SCN1A: variants seen among roughly 807,000 people sequenced by gnomAD.
The protein encoded by SCN1A is sodium voltage-gated channel alpha subunit 1.
In SCN1A, 13 loss-of-function variants were observed where a neutral mutation model predicts 193.7. The ratio of observed to expected loss-of-function variants is 0.07; its 90% CI spans 0.04 to 0.11. The LOEUF (loss-of-function observed/expected upper bound fraction) is 0.11, where lower values mean the gene tolerates loss of function less well. SCN1A is among the 10% of genes least tolerant of loss of function. SCN1A has a pLI of 1.00. For missense variants in SCN1A, 1,432 were observed against 2,451.1 expected, an observed-to-expected ratio of 0.58 and a Z score of 8.78; for synonymous variants, 781 against 843.6, an observed-to-expected ratio of 0.93 and a Z score of 1.29.
At chr2:166,063,179 G>A (rs958161320) in intron 4 of SCN1A, among the ~76,000 whole-genome samples, 3 of 152,064 alleles carry the variant, frequency 2.0e-5, no homozygotes, top group Non-Finnish European at 4.4e-5. Flanking sequence ...AGAACTGTTT[G>A]AAATTAATAA....
chr2:166,028,900 T>G (rs1313140103), intron 19 of SCN1A, among the ~76,000 whole-genome samples: 1 of 152,064 alleles, frequency 6.6e-6, no homozygotes. Context: ...TAGAGTATAT[T>G]GAGAACACCA....
At chr2:166,110,938 T>C (rs1689228555) in intron 2 of SCN1A, among the ~76,000 whole-genome samples, 2 of 152,084 alleles carry the variant, frequency 1.3e-5, no homozygotes, top group Admixed American at 1.3e-4. Context: ...ATGTAAAACA[T>C]CCCTTTGCTC....
intron 1 of SCN1A, among the ~76,000 whole-genome samples, chr2:166,147,670 T>C (rs1465899123): frequency 6.6e-5 from 10 of 152,174 alleles, no homozygotes; most frequent in Admixed American, 5.9e-4. Context: ...AAAATGCCTA[T>C]TGACTTCAGT....
chr2:166,069,495 T>C (rs1311218456), intron 4 of SCN1A, among the ~76,000 whole-genome samples: 2 of 152,194 alleles, frequency 1.3e-5, no homozygotes, highest in East Asian at 3.9e-4. Flanking sequence ...TTGGAAAATA[T>C]ACTCTCAGCA....
At chr2:166,007,945 G>A (rs1175072046) in intron 23 of SCN1A, among the ~76,000 whole-genome samples, 1 of 151,118 alleles carries the variant, frequency 6.6e-6, no homozygotes, top group Non-Finnish European at 1.5e-5. Context: ...ATAAAAAATA[G>A]AATCAATTAT....
At position 166,007,359 on chromosome 2, in the gene SCN1A, T is replaced by C. The variant is rs1029107872; in HGVS notation, c.4002+2360A>G. The C allele has an allele frequency of 2.0e-5, 3 of 151,426 alleles. No homozygotes were observed. Among genetic ancestry groups the C allele is most frequent in the Admixed American group, 1.3e-4 (2 of 15,150 alleles). The allele number at this position is 151,426 out of a possible 1,614,324, so 9.4% of individuals were successfully genotyped here. A position where few individuals can be genotyped will look rare whatever the true frequency, so the allele number is the denominator to read the frequency against. ...ATCTGATATGACAGAACATTTGGTG[T>C]TACTTTTTGTTCATGATGCTCTCCG... On this transcript the variant is annotated intron_variant, in intron 23 of 28. Transcript: ENST00000674923.
chr2:166,127,019 C>T lies in SCN1A; in HGVS notation c.-228-9G>A, dbSNP rs535202704. On this transcript the variant is annotated splice_polypyrimidine_tract_variant and intron_variant, in intron 1 of 28. Transcript: ENST00000674923. ...ATAATTCTTATGCTGTTCTGAAAAG[C>T]AAGACGGTTCACACTAGGAACTGAG... 7.9e-5 allele frequency: 12 copies of T among 152,326 alleles called. No individual in the cohort carries two copies. The highest frequency in any genetic ancestry group is 2.9e-4 in the African/African-American group (12 of 41,572). The allele number at this position is 152,326 out of a possible 1,614,324, so 9.4% of individuals were successfully genotyped here.
intron 18 of SCN1A, among the ~76,000 whole-genome samples, chr2:166,037,161 A>G (rs986286351): frequency 1.3e-5 from 2 of 152,194 alleles, no homozygotes; most frequent in South Asian, 2.1e-4. Context: ...TCCAAATTTA[A>G]GAGAGATAAA....
intron 6 of SCN1A, among the ~76,000 whole-genome samples, chr2:166,055,203 T>TC (rs1699007077): frequency 6.6e-6 from 1 of 151,642 alleles, no homozygotes; most frequent in South Asian, 2.1e-4. Flanking sequence ...TTTTTTTTTT[T>TC]CTACAAGATA....
At chr2:166,138,852 T>TGG (rs1476051921) in intron 1 of SCN1A, among the ~76,000 whole-genome samples, 1 of 152,124 alleles carries the variant, frequency 6.6e-6, no homozygotes, top group African/African-American at 2.4e-5. Context: ...TGAAAGCAAC[T>TGG]AGGAGGGAGT....
In SCN1A at chr2:165,991,287, T is replaced by G. The variant is rs371243629; in HGVS notation, c.5988A>C (p.Lys1996Asn). The G allele has an allele frequency of 3.1e-5, 50 of 1,613,488 alleles. No homozygotes were observed. The highest frequency in any genetic ancestry group is 4.2e-5 in the Non-Finnish European group (50 of 1,179,786). Reference sequence around the variant, plus strand: ...TTTCATCTTTGCCTTCTTGCTCATGTTTTTCCACAATTGGCTTTGTCACCC... The same window carrying G: ...TTTCATCTTTGCCTTCTTGCTCATGGTTTTCCACAATTGGCTTTGTCACCC... ...YDRVTKPIVEKHEQEGKDEKA... is the reference protein window; with the variant it reads ...YDRVTKPIVENHEQEGKDEKA... Residue 1996 changes from lysine to asparagine, a missense_variant, in exon 29 of 29, where the codon AAA becomes AAC. Lys to Asn is a moderately conservative substitution (Grantham distance 94). Around this residue, in one of 18 missense-constraint regions of SCN1A, gnomAD observed 148 missense variants for 160.3 expected, o/e 0.92. Transcript: ENST00000674923.
intron 1 of SCN1A, among the ~76,000 whole-genome samples, chr2:166,144,067 T>A (rs1692205789): frequency 6.6e-6 from 1 of 152,230 alleles, no homozygotes; most frequent in African/African-American, 2.4e-5. Context: ...CAGTTCCGAG[T>A]TGCAGACAGT....
chr2:166,067,471 C>CTTTTT (rs5836078), intron 4 of SCN1A, among the ~76,000 whole-genome samples: 2 of 145,912 alleles, frequency 1.4e-5, no homozygotes, highest in African/African-American at 2.5e-5. Context: ...ACTGACTTCT[C>CTTTTT]TTTTTTTTTT....
At position 166,049,228 on chromosome 2, in the gene SCN1A, A is replaced by G. The variant is rs182506331; in HGVS notation, c.965-279T>C. ...TTACAGTGCAAAGTATTTCTTCATT[A>G]TGAATGTAAAGTTAGTGATAATGAC... is the stretch of plus-strand genomic sequence containing the variant. On this transcript the variant is annotated intron_variant, in intron 9 of 28. Transcript: ENST00000674923. Among the ~76,000 whole-genome samples the G allele has an allele frequency of 2.8e-4, 42 of 151,074 alleles. No individual in the cohort carries two copies. In the East Asian group the frequency reaches 5.6e-3, roughly 20 times the overall value.
At chr2:166,002,331 T>C (rs903874240) in intron 24 of SCN1A, 141 bp downstream of exon 24, 6 of 875,584 alleles carry the variant, frequency 6.9e-6, no homozygotes, top group Non-Finnish European at 1.0e-5. Context: ...TCTGGGCTCA[T>C]AAACTTGTAC....
rs572966246 is a variant in SCN1A, at chr2:166,119,790, T to C, written c.-142+7134A>G. ...AAAGACAAAATATTCAAACATTCAA[T>C]TGTTTCATCAATAATTTAAACTAAA... On this transcript the variant is annotated intron_variant, in intron 2 of 28. Coordinates refer to ENST00000674923, the MANE Select transcript of SCN1A (RefSeq NM_001165963.4). 1.8e-3 allele frequency among the ~76,000 whole-genome samples: 280 copies of C among 152,252 alleles called. 2 individuals are homozygous for C. Among genetic ancestry groups the C allele is most frequent in the Non-Finnish European group, 2.9e-3 (195 of 67,986 alleles).
chr2:165,994,231 T>G lies in SCN1A; in HGVS notation c.4767A>C (p.Val1589=). 6.2e-7 allele frequency: 1 copy of G among 1,612,986 alleles called. No individual in the cohort carries two copies. Among genetic ancestry groups the G allele is most frequent in the African/African-American group, 1.3e-5 (1 of 74,962 alleles). ...VFIVLFTGEC[V]LKLISLRHYY... The stretch of plus-strand genomic sequence containing the variant: ...AATGGCGTAGAGAGATGAGTTTCAG[T>G]ACACACTCTCCAGTAAATAGCACAA... Residue 1589 remains valine, a synonymous_variant, in exon 28 of 29, where the codon GTA becomes GTC. Transcript: ENST00000674923.
chr2:166,058,735 T>A, intron 4 of SCN1A, 47 bp from the exon 5 acceptor site: 1 of 994,358 alleles, frequency 1.0e-6, no homozygotes, highest in Non-Finnish European at 1.6e-6. Context: ...ATAAACCACT[T>A]AAACTCTGTT....
At chr2:165,993,201 G>T (rs1459120931) in intron 28 of SCN1A, 2 of 141,012 alleles carry the variant, frequency 1.4e-5, no homozygotes, top group Non-Finnish European at 3.0e-5. Context: ...GTGTGTGTGT[G>T]TGTGTGTGTG....
Sources: gnomAD v4.1 joint callset for allele counts (sites outside exome capture counted in the v4.1 genomes callset) on GRCh38, gnomAD v4.1.1 for gene constraint, gnomAD v4.1.1 regional missense constraint, MANE v1.5 for transcripts, NCBI Gene and HGNC (gene_info 2026-07-23, HGNC 2026-07-21) for gene names.